The following SLC7A14 variants were observed in gnomAD, a reference collection of about 807,000 sequenced individuals.
The protein encoded by SLC7A14 is solute carrier family 7 member 14, also known as gamma-aminobutyric acid transporter SLC7A14.
Under a neutral mutation model 60.2 loss-of-function variants are expected in SLC7A14, and 37 were observed. The ratio of observed to expected loss-of-function variants is 0.61; its 90% CI spans 0.47 to 0.81. SLC7A14 has a LOEUF of 0.81. Ranked by LOEUF, SLC7A14 falls within the 30% of genes least tolerant of loss-of-function variation. SLC7A14 has a pLI of 0.00. For synonymous variants in SLC7A14, 399 were observed against 395.8 expected, an observed-to-expected ratio of 1.01 and a Z score of -0.10; for missense variants, 886 against 982.7, an observed-to-expected ratio of 0.90 and a Z score of 1.32.
At chr3:170,569,687 C>A (rs6444935) in intron 1 of SLC7A14, among the ~76,000 whole-genome samples, 61,765 of 150,970 alleles carry the variant, frequency 0.41, 12,714 homozygotes, top group African/African-American at 0.49. Flanking sequence ...ACAATTTCAG[C>A]TCCTGTTATT....
At chr3:170,489,278 CT>C (rs1229835665) in intron 4 of SLC7A14, among the ~76,000 whole-genome samples, 5 of 152,090 alleles carry the variant, frequency 3.3e-5, no homozygotes, top group African/African-American at 1.2e-4. Flanking sequence ...ATCTAATAAT[CT>C]GATTTAAAAA....
intron 4 of SLC7A14, chr3:170,495,803 C>G (rs1239484439): frequency 3.6e-6 from 4 of 1,125,872 alleles, no homozygotes; most frequent in Non-Finnish European, 5.4e-6. Context: ...TGCTGGAGAC[C>G]AAGTGGAGCC....
rs536018548 is a variant in SLC7A14 at position 170,537,771 on chromosome 3, C to G, written c.-152-10683G>C. Among the ~76,000 whole-genome samples, 12 of 152,284 alleles carry G rather than the reference C, an allele frequency of 7.9e-5. No individual in the cohort carries two copies. The South Asian group carries it at 2.3e-3, about 29-fold the overall frequency. Reference sequence around the variant, plus strand: ...TGAAGTGGTTTATTTGAGGCCACACCCAAGTGATGGCAGGTGTCCTGACCT... The same window carrying G: ...TGAAGTGGTTTATTTGAGGCCACACGCAAGTGATGGCAGGTGTCCTGACCT... On this transcript the variant is annotated intron_variant, in intron 1 of 7. Transcript: ENST00000231706.
chr3:170,539,091 A>T (rs1438743830), intron 1 of SLC7A14, among the ~76,000 whole-genome samples: 2 of 152,194 alleles, frequency 1.3e-5, no homozygotes, highest in African/African-American at 2.4e-5. Context: ...ATGAAATGAA[A>T]TCCAAGGTCC....
intron 7 of SLC7A14, among the ~76,000 whole-genome samples, chr3:170,467,998 T>C (rs1424122341): frequency 6.6e-6 from 1 of 152,240 alleles, no homozygotes; most frequent in Non-Finnish European, 1.5e-5. Flanking sequence ...CTTTCTTCTG[T>C]GTGCTCTCAG....
chr3:170,498,795 T>C lies in SLC7A14; in HGVS notation c.631A>G (p.Ile211Val), dbSNP rs2108279178. The change falls in exon 4 of 8, where the codon ATA (isoleucine) becomes GTA (valine). Residue 211 changes from isoleucine (I) to valine (V), a missense_variant. Coordinates refer to ENST00000231706, the MANE Select transcript of SLC7A14 (RefSeq NM_020949.3). Reference sequence around the variant, plus strand: ...ACATTGAGAACATTGTTGAAGCCTATGGAATTCTTCACCCCCAGAGCAACA... The same window carrying C: ...ACATTGAGAACATTGTTGAAGCCTACGGAATTCTTCACCCCCAGAGCAACA... The part of the protein sequence containing the change: ...IIVALGVKNS[I>V]GFNNVLNVLN... 7.4e-6 allele frequency: 12 copies of C among 1,614,154 alleles called. No individual in the cohort carries two copies. The highest frequency in any genetic ancestry group is 1.0e-5 in the Non-Finnish European group (12 of 1,180,030).
At chr3:170,550,529 T>TTTTTTTTTTG (rs1714315299) in intron 1 of SLC7A14, among the ~76,000 whole-genome samples, 1 of 138,532 alleles carries the variant, frequency 7.2e-6, no homozygotes, top group Non-Finnish European at 1.5e-5. Context: ...TTTTTTTTTT[T>TTTTTTTTTTG]TTTTTTTTGG....
At chr3:170,560,400 G>A (rs1212422252) in intron 1 of SLC7A14, among the ~76,000 whole-genome samples, 2 of 152,094 alleles carry the variant, frequency 1.3e-5, no homozygotes, top group African/African-American at 4.8e-5. Flanking sequence ...AGATGTATAA[G>A]AAAAAAGGCA....
At chr3:170,571,209 C>T (rs1714946481) in intron 1 of SLC7A14, among the ~76,000 whole-genome samples, 1 of 152,176 alleles carries the variant, frequency 6.6e-6, no homozygotes. Flanking sequence ...TCTTCCTGTA[C>T]TATGCTCTTG....
At chr3:170,484,017 A>G (rs889798548) in intron 5 of SLC7A14, among the ~76,000 whole-genome samples, 1 of 152,204 alleles carries the variant, frequency 6.6e-6, no homozygotes, top group Admixed American at 6.5e-5. Context: ...ATCTCCAAAG[A>G]TAAGTGCTTA....
At chr3:170,477,498 G>A (rs937690733) in intron 7 of SLC7A14, among the ~76,000 whole-genome samples, 2 of 152,202 alleles carry the variant, frequency 1.3e-5, no homozygotes, top group Non-Finnish European at 2.9e-5. Flanking sequence ...ATTGCTGTGA[G>A]GATTACATAA....
intron 1 of SLC7A14, among the ~76,000 whole-genome samples, chr3:170,560,634 A>G (rs1446246529): frequency 2.0e-5 from 3 of 152,194 alleles, no homozygotes; most frequent in African/African-American, 7.2e-5. Flanking sequence ...TTGCCTCTCT[A>G]TAGATCCCCT....
intron 1 of SLC7A14, among the ~76,000 whole-genome samples, chr3:170,577,394 GGATCATGAGGTCAGGA>G (rs1311484565): frequency 2.0e-5 from 3 of 151,896 alleles, no homozygotes; most frequent in Non-Finnish European, 4.4e-5. Context: ...CGAGGCGGGT[GGATCATGAGGTCAGGA>G]GATCGAGACC....
At chr3:170,503,811 G>A (rs1435996898) in intron 2 of SLC7A14, among the ~76,000 whole-genome samples, 2 of 152,148 alleles carry the variant, frequency 1.3e-5, no homozygotes, top group Non-Finnish European at 2.9e-5. Context: ...CACTTGCCAA[G>A]GGTAATTAGC....
chr3:170,577,007 C>A (rs1157687459), intron 1 of SLC7A14, among the ~76,000 whole-genome samples: 1 of 152,190 alleles, frequency 6.6e-6, no homozygotes, highest in African/African-American at 2.4e-5. Context: ...ATTTAGCTGT[C>A]AACCCTGGTT....
At chr3:170,519,358 G>A (rs1191452380) in intron 2 of SLC7A14, among the ~76,000 whole-genome samples, 1 of 152,186 alleles carries the variant, frequency 6.6e-6, no homozygotes, top group African/African-American at 2.4e-5. Context: ...TAATTCTGGA[G>A]TTGGCAATAT....
intron 7 of SLC7A14, among the ~76,000 whole-genome samples, chr3:170,479,611 T>C (rs1711743809): frequency 1.3e-5 from 2 of 152,184 alleles, no homozygotes; most frequent in South Asian, 4.1e-4. Flanking sequence ...TCATATTAGT[T>C]ATTACCAGCA....
intron 1 of SLC7A14, among the ~76,000 whole-genome samples, chr3:170,545,019 T>A (rs1330216580): frequency 6.6e-6 from 1 of 152,248 alleles, no homozygotes; most frequent in African/African-American, 2.4e-5. Context: ...CTAGTGCAAC[T>A]GAAGAACTGA....
At chr3:170,583,164 TG>T (rs1715284351) in intron 1 of SLC7A14, among the ~76,000 whole-genome samples, 1 of 152,118 alleles carries the variant, frequency 6.6e-6, no homozygotes, top group African/African-American at 2.4e-5. Context: ...AATTATTTTT[TG>T]GGGAATAGGT....
Sources: allele counts gnomAD v4.1 joint callset (sites outside exome capture counted in the v4.1 genomes callset), GRCh38; gene constraint gnomAD v4.1.1; transcripts MANE v1.5; gene names NCBI Gene and HGNC (gene_info 2026-07-23, HGNC 2026-07-21).